Variants in LGALS9 observed in about 807,000 individuals in gnomAD.
LGALS9 encodes the protein galectin 9.
A neutral mutation model predicts 35.9 loss-of-function variants in LGALS9; 26 were observed. That is an observed-to-expected ratio of 0.72 (90% CI 0.53 to 1.01). The LOEUF is 1.01. Ranked by LOEUF, LGALS9 falls within the 50% of genes least tolerant of loss-of-function variation. The pLI is 0.00. For missense variants in LGALS9, 347 were observed against 445.8 expected (o/e 0.78, Z 1.99); for synonymous variants, 149 against 172.2 (o/e 0.87, Z 1.06).
chr17:27,640,634 G>A lies in LGALS9; in HGVS notation c.194G>A (p.Arg65Gln), dbSNP rs139339256. 19 of 1,614,062 alleles carry A rather than the reference G, an allele frequency of 1.2e-5. No individual in the cohort carries two copies. The highest frequency in any genetic ancestry group is 8.0e-5 in the African/African-American group (6 of 74,944). ...GNDIAFHFNPRFEDGGYVVCN... is the reference protein window; with the variant it reads ...GNDIAFHFNPQFEDGGYVVCN... ...GACATTGCCTTCCACTTCAACCCTC[G>A]GTTTGAAGATGGAGGGTACGTGGTG... Residue 65 changes from arginine to glutamine, a missense_variant, in exon 3 of 11, where the codon CGG (arginine) becomes CAG (glutamine). Physicochemically the swap from Arg to Gln is conservative, Grantham distance 43 (BLOSUM62 1). Coordinates refer to ENST00000395473, the MANE Select transcript of LGALS9 (RefSeq NM_009587.3).
intron 2 of LGALS9, among the ~76,000 whole-genome samples, chr17:27,638,992 A>T (rs950209830): frequency 5.9e-5 from 9 of 152,208 alleles, no homozygotes; most frequent in Admixed American, 5.9e-4. Flanking sequence ...AGAGGTGTGC[A>T]GCTCTCTCCT....
chr17:27,643,020 C>T (rs1277695249), intron 4 of LGALS9, among the ~76,000 whole-genome samples: 3 of 152,110 alleles, frequency 2.0e-5, no homozygotes, highest in South Asian at 2.1e-4. Flanking sequence ...CTGGGCAAAA[C>T]AGCAAGACCC....
In LGALS9 at chr17:27,647,288, C is replaced by T. The variant is rs1905025146; in HGVS notation, c.777C>T (p.Cys259=). The change falls in exon 10 of 11, where the codon TGC becomes TGT. Residue 259 remains cysteine, a synonymous_variant. Coordinates refer to ENST00000395473, the MANE Select transcript of LGALS9 (RefSeq NM_009587.3). ...ACCCCAGGTTCCACATCAACCTGTG[C>T]TCTGGGAACCACATCGCCTTCCACC... ...PSAQRFHINL[C]SGNHIAFHLN... is the part of the protein sequence containing the mutation. 1 of 1,614,118 alleles carries T rather than the reference C, an allele frequency of 6.2e-7. No individual in the cohort carries two copies. The highest frequency in any genetic ancestry group is 1.7e-5 in the Admixed American group (1 of 60,014).
At chr17:27,632,303 G>T (rs1381178475) in intron 1 of LGALS9, among the ~76,000 whole-genome samples, 1 of 152,112 alleles carries the variant, frequency 6.6e-6, no homozygotes, top group East Asian at 1.9e-4. Flanking sequence ...GGGTACTGAG[G>T]GAGGGAAGCT....
intron 4 of LGALS9, among the ~76,000 whole-genome samples, chr17:27,643,140 C>T (rs1904648117): frequency 6.6e-6 from 1 of 152,238 alleles, no homozygotes; most frequent in Admixed American, 6.5e-5. Context: ...ATGCTGGGCC[C>T]ACATTCCCAC....
rs1057282467 is a variant in LGALS9 at position 27,643,180 on chromosome 17, G to A, written c.445-345G>A. On this transcript the variant is annotated intron_variant, in intron 4 of 10. Transcript: ENST00000395473. ...CACCAGCAGCTGGGTGGGAGCTGCT[G>A]TTACCCTTTTGGCATTCGAGGCTGC... is the stretch of plus-strand genomic sequence containing the variant. 3.8e-4 allele frequency among the ~76,000 whole-genome samples: 58 copies of A among 152,350 alleles called. 1 individual carries two copies. Among genetic ancestry groups the A allele is most frequent in the South Asian group, 1.2e-3 (6 of 4,828 alleles).
Position 27,646,556 on chromosome 17 carries a change from A to G in LGALS9, c.637A>G (p.Ile213Val). The stretch of plus-strand genomic sequence containing the variant: ...GGTTTCTTTTCAACAGACTCCCGCC[A>G]TCCCACCTATGATGTACCCCCACCC... ...APGQMFSTPA[I>V]PPMMYPHPAY... Residue 213 changes from isoleucine (I) to valine (V), a missense_variant, in exon 8 of 11, where the codon ATC becomes GTC. Transcript: ENST00000395473. The G allele has an allele frequency of 6.2e-7, 1 of 1,612,166 alleles. No homozygotes were observed. The highest frequency in any genetic ancestry group is 8.5e-7 in the Non-Finnish European group (1 of 1,179,902).
At chr17:27,646,095 G>A (rs571141046) in intron 7 of LGALS9, among the ~76,000 whole-genome samples, 184 bp downstream of exon 7, 1 of 152,278 alleles carries the variant, frequency 6.6e-6, no homozygotes, top group South Asian at 2.1e-4. Context: ...CAGAGATTCT[G>A]GAAGAAGCAG....
intron 10 of LGALS9, among the ~76,000 whole-genome samples, chr17:27,648,181 C>A (rs1215936073): frequency 6.6e-6 from 1 of 152,260 alleles, no homozygotes; most frequent in Non-Finnish European, 1.5e-5. Context: ...TGATGTAGGG[C>A]TTTGCAGCCA....
Position 27,647,042 on chromosome 17 carries a change from A to G in LGALS9, c.682A>G (p.Ile228Val). 6.2e-7 allele frequency: 1 copy of G among 1,613,944 alleles called. No homozygotes were observed. Among genetic ancestry groups the G allele is most frequent in the Non-Finnish European group, 8.5e-7 (1 of 1,179,916 alleles). ...CTTCTTCCGACAGCCGATGCCTTTCATCACCACCATTCTGGGAGGGCTGTA... is the reference window on the plus strand; with the variant it reads ...CTTCTTCCGACAGCCGATGCCTTTCGTCACCACCATTCTGGGAGGGCTGTA... Reference protein sequence around the residue: ...YPHPAYPMPFITTILGGLYPS... With the variant: ...YPHPAYPMPFVTTILGGLYPS... Residue 228 changes from isoleucine (I) to valine (V), a missense_variant, in exon 9 of 11, where the codon ATC (isoleucine) becomes GTC (valine). Coordinates refer to ENST00000395473, the MANE Select transcript of LGALS9 (RefSeq NM_009587.3).
Position 27,647,100 on chromosome 17 carries a change from T to A in LGALS9, c.740T>A (p.Val247Asp). 1 of 1,614,170 alleles carries A rather than the reference T, an allele frequency of 6.2e-7. No homozygotes were observed. Among genetic ancestry groups the A allele is most frequent in the Non-Finnish European group, 8.5e-7 (1 of 1,180,020 alleles). The change falls in exon 9 of 11, where the codon GTC becomes GAC. Residue 247 changes from valine (V) to aspartate (D), a missense_variant. Transcript: ENST00000395473. ...PSKSILLSGT[V>D]LPSAQRFHIN... The stretch of plus-strand genomic sequence containing the variant: ...AAGTCCATCCTCCTGTCAGGCACTG[T>A]CCTGCCCAGTGCTCAGAGGTAAGCC...
intron 3 of LGALS9, 139 bp from the exon 4 acceptor site, chr17:27,642,099 A>G (rs748125115): frequency 1.3e-5 from 20 of 1,496,952 alleles, no homozygotes; most frequent in Non-Finnish European, 1.6e-5. Flanking sequence ...TTTGGGTCAC[A>G]CACACGTTCC....
At chr17:27,647,517 A>G (rs1322888950) in intron 10 of LGALS9, 85 bp downstream of exon 10, 1 of 1,561,410 alleles carries the variant, frequency 6.4e-7, no homozygotes, top group East Asian at 2.4e-5. Flanking sequence ...TACCTTGAAC[A>G]GTATGGGGGC....
At chr17:27,645,046 G>A in intron 5 of LGALS9, 2 of 567,268 alleles carry the variant, frequency 3.5e-6, no homozygotes, top group South Asian at 4.8e-5. Flanking sequence ...GCTACAGAAA[G>A]CAATGAGGTC....
At chr17:27,647,519 T>G (rs4794976) in intron 10 of LGALS9, 87 bp downstream of exon 10, 519,167 of 1,545,042 alleles carry the variant, frequency 0.34, 90,819 homozygotes, top group South Asian at 0.56. Context: ...CCTTGAACAG[T>G]ATGGGGGCTG....
intron 10 of LGALS9, 131 bp from the exon 11 acceptor site, chr17:27,648,705 G>A (rs1905109013): frequency 1.4e-6 from 2 of 1,474,200 alleles, no homozygotes; most frequent in Non-Finnish European, 1.9e-6. Flanking sequence ...TCGTTCAGTG[G>A]GGATAGAGTG....
intron 10 of LGALS9, 102 bp from the exon 11 acceptor site, chr17:27,648,734 A>G: frequency 1.3e-6 from 2 of 1,579,910 alleles, no homozygotes; most frequent in South Asian, 1.1e-5. Context: ...GGGCTTATTA[A>G]CAACTGAGGA....
chr17:27,648,648 A>G (rs985912890), intron 10 of LGALS9, among the ~76,000 whole-genome samples, 188 bp from the exon 11 acceptor site: 1 of 151,484 alleles, frequency 6.6e-6, no homozygotes, highest in Non-Finnish European at 1.5e-5. Context: ...TAGACCAGGG[A>G]ACAGTACAGG....
rs770075090 is a variant in LGALS9 at position 27,642,317 on chromosome 17, G to C, written c.413G>C (p.Gly138Ala). 7.4e-6 allele frequency: 12 copies of C among 1,612,026 alleles called. No individual in the cohort carries two copies. The highest frequency in any genetic ancestry group is 1.1e-5 in the South Asian group (1 of 90,978). ...CGTGTGGACACCATCTCCGTCAATGGCTCTGTGCAGCTGTCCTACATCAGC... is the reference window on the plus strand; with the variant it reads ...CGTGTGGACACCATCTCCGTCAATGCCTCTGTGCAGCTGTCCTACATCAGC... ...FHRVDTISVN[G>A]SVQLSYISFQ... is the part of the protein sequence containing the mutation. The change falls in exon 4 of 11, where the codon GGC becomes GCC. Residue 138 changes from glycine (G) to alanine (A), a missense_variant. Physicochemically the swap from Gly to Ala is moderately conservative, Grantham distance 60 (BLOSUM62 0). Coordinates refer to ENST00000395473, the MANE Select transcript of LGALS9 (RefSeq NM_009587.3).
Sources: allele counts gnomAD v4.1 joint callset (sites outside exome capture counted in the v4.1 genomes callset), GRCh38; gene constraint gnomAD v4.1.1; transcripts MANE v1.5; gene names NCBI Gene and HGNC (gene_info 2026-07-23, HGNC 2026-07-21).